SNTG1: variants seen among roughly 807,000 people sequenced by gnomAD.
The protein encoded by SNTG1 is gamma-1-syntrophin.
In SNTG1, 39 loss-of-function variants were observed where a neutral mutation model predicts 74.7. The ratio of observed to expected loss-of-function variants is 0.52; its 90% confidence interval spans 0.40 to 0.68. The LOEUF is 0.68. SNTG1 is among the 30% of genes least tolerant of loss of function. SNTG1 has a pLI of 0.00. For missense variants in SNTG1, 685 were observed against 609.5 expected (o/e 1.12, Z -1.30); for synonymous variants, 254 against 217.1 (o/e 1.17, Z -1.49).
intron 1 of SNTG1, among the ~76,000 whole-genome samples, chr8:50,017,224 C>T (rs995288134): frequency 6.6e-6 from 1 of 151,662 alleles, no homozygotes; most frequent in African/African-American, 2.4e-5. Flanking sequence ...CTTTTAAATA[C>T]AATTGTATAA....
chr8:50,020,219 T>C (rs1023549126), intron 1 of SNTG1, among the ~76,000 whole-genome samples: 2 of 152,172 alleles, frequency 1.3e-5, no homozygotes, highest in African/African-American at 4.8e-5. Context: ...TCCTCTTTTA[T>C]CTTGTATTAC....
In SNTG1 at chr8:50,635,327, A is replaced by G. The variant is rs113881727; in HGVS notation, c.850-21582A>G. Reference sequence around the variant, plus strand: ...CATTCGCTCAAGGCCCTAGCACTCTACAATCAGTAGGTGGTGAGGTCAGCC... The same window carrying G: ...CATTCGCTCAAGGCCCTAGCACTCTGCAATCAGTAGGTGGTGAGGTCAGCC... On this transcript the variant is annotated intron_variant, in intron 13 of 18. Transcript: ENST00000642720. Among the ~76,000 whole-genome samples, 200 of 152,160 alleles carry G rather than the reference A, an allele frequency of 1.3e-3. 1 individual carries two copies. The highest frequency in any genetic ancestry group is 4.3e-3 in the African/African-American group (178 of 41,510).
intron 1 of SNTG1, among the ~76,000 whole-genome samples, chr8:50,141,568 ATTAT>A (rs1287050813): frequency 6.6e-6 from 1 of 152,182 alleles, no homozygotes; most frequent in East Asian, 1.9e-4. Flanking sequence ...CTTCCATATA[ATTAT>A]TTATCCATTT....
At chr8:50,069,146 T>C (rs1279324185) in intron 1 of SNTG1, among the ~76,000 whole-genome samples, 1 of 152,168 alleles carries the variant, frequency 6.6e-6, no homozygotes, top group Non-Finnish European at 1.5e-5. Flanking sequence ...AAAATGTATA[T>C]AAATTAAGTA....
intron 2 of SNTG1, among the ~76,000 whole-genome samples, chr8:50,193,776 T>C (rs2131800777): frequency 6.6e-6 from 1 of 152,256 alleles, no homozygotes; most frequent in South Asian, 2.1e-4. Flanking sequence ...CTTTCAACAT[T>C]TCCCCATTCA....
At chr8:50,291,506 A>G (rs1261204483) in intron 2 of SNTG1, among the ~76,000 whole-genome samples, 1 of 152,156 alleles carries the variant, frequency 6.6e-6, no homozygotes, top group Non-Finnish European at 1.5e-5. Context: ...TTTGAAGGCC[A>G]GTGACATAAT....
chr8:49,992,560 G>A (rs1232235373), intron 1 of SNTG1, among the ~76,000 whole-genome samples: 4 of 152,124 alleles, frequency 2.6e-5, no homozygotes, highest in Non-Finnish European at 5.9e-5. Context: ...CATACAGGGA[G>A]CCTCAGCAAC....
At chr8:50,785,969 A>G (rs2095673826) in intron 18 of SNTG1, among the ~76,000 whole-genome samples, 1 of 152,058 alleles carries the variant, frequency 6.6e-6, no homozygotes, top group Non-Finnish European at 1.5e-5. Context: ...TTTCATAATA[A>G]GTATACTGAA....
chr8:49,949,685 T>C (rs151226044), intron 1 of SNTG1, among the ~76,000 whole-genome samples: 53 of 152,368 alleles, frequency 3.5e-4, no homozygotes, highest in African/African-American at 1.2e-3. Flanking sequence ...AAATTCCATG[T>C]GCTCATAGGT....
intron 12 of SNTG1, among the ~76,000 whole-genome samples, chr8:50,583,850 G>T (rs1690819031): frequency 6.6e-6 from 1 of 151,410 alleles, no homozygotes; most frequent in African/African-American, 2.4e-5. Flanking sequence ...GTATACATGG[G>T]CCATGTTGGT....
intron 1 of SNTG1, among the ~76,000 whole-genome samples, chr8:50,085,712 A>C (rs1409564595): frequency 6.6e-6 from 1 of 152,088 alleles, no homozygotes; most frequent in Non-Finnish European, 1.5e-5. Flanking sequence ...GTAAATCATT[A>C]TTTTTCATCT....
chr8:50,282,910 T>C (rs1006368086), intron 2 of SNTG1, among the ~76,000 whole-genome samples: 16 of 152,228 alleles, frequency 1.1e-4, no homozygotes, highest in African/African-American at 3.4e-4. Flanking sequence ...AGAGAACAGA[T>C]TATTATTGAA....
intron 2 of SNTG1, among the ~76,000 whole-genome samples, chr8:50,372,669 T>A (rs922339892): frequency 4.6e-5 from 7 of 152,158 alleles, no homozygotes; most frequent in African/African-American, 1.7e-4. Flanking sequence ...AAATGAAAGA[T>A]ACAGCTCTGA....
In SNTG1 at chr8:49,951,873, C is replaced by CAAAAAAAAAAA. The variant is rs5891338; in HGVS notation, c.-103+39663_-103+39673dup. ...AACAGAAGGAAATCTGGAAAATTCA[C>CAAAAAAAAAAA]AAAAAAAAAAAAAAAAAAAAAAAAA... On this transcript the variant is annotated intron_variant, in intron 1 of 18. Coordinates refer to ENST00000642720, the MANE Select transcript of SNTG1 (RefSeq NM_018967.5). 1.6e-3 allele frequency among the ~76,000 whole-genome samples: 88 copies of CAAAAAAAAAAA among 56,294 alleles called. 1 individual carries two copies. The highest frequency in any genetic ancestry group is 2.6e-3 in the East Asian group (4 of 1,542). The allele number at this position is 56,294 out of a possible 152,430, so 36.9% of individuals were successfully genotyped here.
chr8:50,317,663 C>T (rs2090362481), intron 2 of SNTG1, among the ~76,000 whole-genome samples: 2 of 152,144 alleles, frequency 1.3e-5, no homozygotes, highest in South Asian at 2.1e-4. Flanking sequence ...TTTTTCATGT[C>T]TTCTCTGGAA....
At chr8:50,367,029 A>G (rs192035961) in intron 2 of SNTG1, among the ~76,000 whole-genome samples, 29 of 151,438 alleles carry the variant, frequency 1.9e-4, no homozygotes, top group Non-Finnish European at 3.4e-4. Context: ...TGGTAAGACT[A>G]ACACCATCAA....
chr8:50,020,476 GCAAT>G (rs1320877060), intron 1 of SNTG1, among the ~76,000 whole-genome samples: 1 of 152,082 alleles, frequency 6.6e-6, no homozygotes, highest in African/African-American at 2.4e-5. Flanking sequence ...TATGTACAAT[GCAAT>G]CATTTAGGAG....
intron 2 of SNTG1, among the ~76,000 whole-genome samples, chr8:50,335,362 C>A (rs1011024444): frequency 2.0e-5 from 3 of 152,178 alleles, no homozygotes. Context: ...AAACTGAAAT[C>A]ACACGTCAGC....
At chr8:49,920,847 TAAA>T (rs1806471432) in intron 1 of SNTG1, among the ~76,000 whole-genome samples, 1 of 152,118 alleles carries the variant, frequency 6.6e-6, no homozygotes, top group African/African-American at 2.4e-5. Context: ...ATTAGCCTAT[TAAA>T]ACTAAATGAC....
Sources: gnomAD v4.1 joint callset for allele counts (sites outside exome capture counted in the v4.1 genomes callset) on GRCh38, gnomAD v4.1.1 for gene constraint, MANE v1.5 for transcripts, NCBI Gene and HGNC (gene_info 2026-07-23, HGNC 2026-07-21) for gene names.